Variants in ELMO1 observed in about 807,000 individuals in gnomAD.
The protein encoded by ELMO1 is engulfment and cell motility protein 1.
ELMO1 carries 26 observed loss-of-function variants against 98.9 expected under a neutral mutation model. That is an observed-to-expected ratio of 0.26 (90% confidence interval 0.19 to 0.36). ELMO1 has a LOEUF of 0.36. ELMO1 is among the 10% of genes least tolerant of loss of function. The pLI, the probability that ELMO1 is intolerant of heterozygous loss-of-function variation, is 1.00. For synonymous variants in ELMO1, 346 were observed against 346.0 expected, an observed-to-expected ratio of 1.00 and a Z score of 0.00; for missense variants, 627 against 935.2, an observed-to-expected ratio of 0.67 and a Z score of 4.30.
chr7:37,347,010 G>C (rs566703377), intron 1 of ELMO1, among the ~76,000 whole-genome samples: 26 of 152,222 alleles, frequency 1.7e-4, no homozygotes, highest in African/African-American at 6.3e-4. Flanking sequence ...CTTCCCCTTG[G>C]GAATTCACTT....
intron 16 of ELMO1, 36 bp downstream of exon 16, chr7:37,013,263 C>G (rs751650974): frequency 6.2e-7 from 1 of 1,610,294 alleles, no homozygotes. Context: ...TTTAGCGCTG[C>G]GGGAATCCCC....
intron 19 of ELMO1, among the ~76,000 whole-genome samples, chr7:36,871,850 A>T (rs1803533056): frequency 6.6e-6 from 1 of 152,134 alleles, no homozygotes; most frequent in Non-Finnish European, 1.5e-5. Context: ...AAATGCTAAC[A>T]TTTTCCAGGT....
At chr7:37,295,685 T>G (rs1382484028) in intron 4 of ELMO1, among the ~76,000 whole-genome samples, 3 of 152,168 alleles carry the variant, frequency 2.0e-5, no homozygotes, top group Non-Finnish European at 4.4e-5. Flanking sequence ...TTTCAAATAA[T>G]GGAAACTTTT....
At chr7:37,382,974 T>A (rs574416806) in intron 1 of ELMO1, among the ~76,000 whole-genome samples, 1 of 152,326 alleles carries the variant, frequency 6.6e-6, no homozygotes, top group South Asian at 2.1e-4. Context: ...TCAACTGTAT[T>A]ATGAGTAAGT....
intron 15 of ELMO1, among the ~76,000 whole-genome samples, chr7:37,025,209 G>C (rs1186086522): frequency 1.3e-5 from 2 of 152,024 alleles, no homozygotes; most frequent in Non-Finnish European, 2.9e-5. Context: ...GGCCCAAAGA[G>C]AAAAAATAAC....
chr7:36,969,883 C>T (rs1220095431), intron 16 of ELMO1, among the ~76,000 whole-genome samples: 1 of 151,984 alleles, frequency 6.6e-6, no homozygotes, highest in African/African-American at 2.4e-5. Flanking sequence ...CCTTTAGTCG[C>T]TTCCCTGTTG....
intron 7 of ELMO1, among the ~76,000 whole-genome samples, chr7:37,237,980 T>A (rs945303895): frequency 6.6e-6 from 1 of 152,228 alleles, no homozygotes; most frequent in Non-Finnish European, 1.5e-5. Flanking sequence ...TCAACGAAAC[T>A]CTTCAACTTT....
At chr7:36,926,316 T>G (rs1349990160) in intron 16 of ELMO1, among the ~76,000 whole-genome samples, 1 of 152,226 alleles carries the variant, frequency 6.6e-6, no homozygotes, top group East Asian at 1.9e-4. Context: ...TCACTCAAGA[T>G]CACACATATA....
At chr7:37,390,559 A>G (rs1489433629) in intron 1 of ELMO1, among the ~76,000 whole-genome samples, 2 of 152,156 alleles carry the variant, frequency 1.3e-5, no homozygotes, top group African/African-American at 2.4e-5. Context: ...TGTTTTGAAT[A>G]GCATGTGTTT....
chr7:37,295,916 C>A (rs778517710), intron 4 of ELMO1, among the ~76,000 whole-genome samples: 1 of 152,128 alleles, frequency 6.6e-6, no homozygotes. Flanking sequence ...ACATTCAATA[C>A]GCTTTTGTGT....
chr7:36,969,157 A>G (rs1414597572), intron 16 of ELMO1, among the ~76,000 whole-genome samples: 1 of 152,000 alleles, frequency 6.6e-6, no homozygotes, highest in African/African-American at 2.4e-5. Flanking sequence ...TTGACATGTT[A>G]ATTATATTAT....
At chr7:37,217,095 G>A (rs1793328342) in intron 10 of ELMO1, among the ~76,000 whole-genome samples, 1 of 152,210 alleles carries the variant, frequency 6.6e-6, no homozygotes, top group South Asian at 2.1e-4. Context: ...GGAGATTCCA[G>A]TATCTTCTAA....
intron 17 of ELMO1, among the ~76,000 whole-genome samples, chr7:36,893,022 A>G (rs567248510): frequency 2.6e-4 from 40 of 152,378 alleles, no homozygotes; most frequent in Non-Finnish European, 5.3e-4. Flanking sequence ...AAGCCAAAAT[A>G]GGAGTAAAAT....
At chr7:37,024,266 T>C (rs1246148999) in intron 15 of ELMO1, among the ~76,000 whole-genome samples, 2 of 152,110 alleles carry the variant, frequency 1.3e-5, no homozygotes, top group Admixed American at 6.5e-5. Context: ...CAAGGACAGA[T>C]TGGTAAAAGG....
At chr7:37,283,953 G>A (rs1374000047) in intron 4 of ELMO1, among the ~76,000 whole-genome samples, 2 of 152,174 alleles carry the variant, frequency 1.3e-5, no homozygotes, top group Non-Finnish European at 2.9e-5. Flanking sequence ...CCTCAAACTG[G>A]AGGCCACAGC....
rs186054805 is a variant in ELMO1, at chr7:37,121,777, G to A, written c.1191+11353C>T. On this transcript the variant is annotated intron_variant, in intron 14 of 21. Transcript: ENST00000310758. ...TTCAAATTCAGGAAATACAGAGAAC[G>A]CCACAAAGATACTCCTCGAGAAGAG... 5.3e-5 allele frequency among the ~76,000 whole-genome samples: 8 copies of A among 152,188 alleles called. No individual in the cohort carries two copies. In the East Asian group the frequency reaches 1.2e-3, roughly 22 times the overall value.
intron 1 of ELMO1, chr7:37,435,039 A>G (rs1209929746): frequency 6.6e-6 from 1 of 152,210 alleles, no homozygotes; most frequent in Non-Finnish European, 1.5e-5. Context: ...ACCATTGTTT[A>G]TGGATCACCT....
intron 13 of ELMO1, chr7:37,204,261 AT>A: frequency 2.2e-6 from 1 of 454,564 alleles, no homozygotes; most frequent in Non-Finnish European, 4.4e-6. Flanking sequence ...GTTCTTAAAG[AT>A]GGTGTGTCCA....
intron 1 of ELMO1, among the ~76,000 whole-genome samples, chr7:37,415,815 T>C (rs1193044895): frequency 6.6e-6 from 1 of 152,236 alleles, no homozygotes; most frequent in Non-Finnish European, 1.5e-5. Context: ...TAAACATTAA[T>C]TCTTGATTAT....
Sources: gnomAD v4.1 joint callset for allele counts (sites outside exome capture counted in the v4.1 genomes callset) on GRCh38, gnomAD v4.1.1 for gene constraint, MANE v1.5 for transcripts, NCBI Gene and HGNC (gene_info 2026-07-23, HGNC 2026-07-21) for gene names.